SYT12: variants seen among roughly 807,000 people sequenced by gnomAD.
SYT12 encodes the protein synaptotagmin-12.
SYT12 carries 27 observed loss-of-function variants against 39.5 expected under a neutral mutation model. That is an observed-to-expected ratio of 0.68 (90% CI 0.50 to 0.94). The LOEUF (loss-of-function observed/expected upper bound fraction) is 0.94. Among genes scored for constraint, SYT12 ranks in the 40% least tolerant of loss-of-function variants. SYT12 has a pLI of 0.00. For synonymous variants in SYT12, 233 were observed against 239.7 expected (o/e 0.97, Z 0.26); for missense variants, 536 against 572.6 (o/e 0.94, Z 0.65).
intron 6 of SYT12, 126 bp downstream of exon 6, chr11:67,044,839 T>A (rs1392560086): frequency 2.1e-6 from 3 of 1,403,442 alleles, no homozygotes; most frequent in Non-Finnish European, 1.9e-6. Context: ...CCCCTCAGCT[T>A]TGCTGAGCCC....
chr11:67,039,869 G>A lies in SYT12; in HGVS notation c.287G>A (p.Gly96Asp), dbSNP rs199773761. 6.2e-7 allele frequency: 1 copy of A among 1,613,366 alleles called. No individual in the cohort carries two copies. Among genetic ancestry groups the A allele is most frequent in the African/African-American group, 1.3e-5 (1 of 74,934 alleles). ...ASTRGPPSRKGSLSIEDTFES... is the reference protein window; with the variant it reads ...ASTRGPPSRKDSLSIEDTFES... ...ACGCGGGGACCACCCAGCCGCAAAGGCAGTCTCAGCATTGAGGACACCTTT... is the reference window on the plus strand; with the variant it reads ...ACGCGGGGACCACCCAGCCGCAAAGACAGTCTCAGCATTGAGGACACCTTT... Residue 96 changes from glycine (G) to aspartate (D), a missense_variant, in exon 4 of 8, where the codon GGC (glycine) becomes GAC (aspartate). Physicochemically the swap from Gly to Asp is moderately conservative, Grantham distance 94 (BLOSUM62 -1). Transcript: ENST00000527043.
At position 67,008,161 on chromosome 11, in the gene SYT12, C is replaced by G. The variant is rs1048002962; in HGVS notation, c.-485+706C>G. Among the ~76,000 whole-genome samples, 4 of 152,164 alleles carry G rather than the reference C, an allele frequency of 2.6e-5. No individual in the cohort carries two copies. The East Asian group carries it at 7.7e-4, about 29-fold the overall frequency. ...TAGAGACAGGGTTTTGCCATGTTTG[C>G]CAGCCTGGTCTTGAACTCCTGAACT... On this transcript the variant is annotated intron_variant, in intron 1 of 10. Coordinates refer to the SYT12 transcript ENST00000393946.
intron 1 of SYT12, 56 bp from the exon 2 acceptor site, chr11:67,030,066 G>A (rs1389853406): frequency 4.5e-5 from 71 of 1,571,552 alleles, no homozygotes; most frequent in Non-Finnish European, 6.0e-5. Flanking sequence ...CCAGGACCTA[G>A]GAGCGGGACG....
intron 4 of SYT12, among the ~76,000 whole-genome samples, chr11:67,042,644 C>A (rs1005345165): frequency 6.6e-6 from 1 of 152,290 alleles, no homozygotes; most frequent in African/African-American, 2.4e-5. Context: ...AGCCCAGGCC[C>A]CCATGAGCAG....
intron 4 of SYT12, among the ~76,000 whole-genome samples, chr11:67,041,090 C>G (rs913322492): frequency 5.3e-5 from 8 of 151,984 alleles, no homozygotes; most frequent in African/African-American, 1.9e-4. Flanking sequence ...ATGGGAGGAT[C>G]ACTTGAGCCC....
chr11:67,045,996 A>C, intron 7 of SYT12, 119 bp downstream of exon 7: 1 of 1,354,316 alleles, frequency 7.4e-7, no homozygotes, highest in Non-Finnish European at 1.0e-6. Flanking sequence ...TCCAGCCATC[A>C]CTTTCTAGCA....
In SYT12 at chr11:67,045,903, G is replaced by A. The variant is rs763895940; in HGVS notation, c.1092+26G>A. 7 of 1,613,638 alleles carry A rather than the reference G, an allele frequency of 4.3e-6. No individual in the cohort carries two copies. The Admixed American group carries it at 8.3e-5, about 19-fold the overall frequency. On this transcript the variant is annotated intron_variant, in intron 7 of 7. Coordinates refer to ENST00000527043, the MANE Select transcript of SYT12 (RefSeq NM_177963.4). ...GTGAGGGGGGCTGGGGGATGGGAAG[G>A]GGCCAGGTCACCCCAGGGCTCTGGG...
chr11:67,010,074 G>A (rs1041292195), exon 2 of SYT12: 1 of 152,390 alleles, frequency 6.6e-6, no homozygotes, highest in Non-Finnish European at 1.5e-5. Context: ...GAAGCTTAAA[G>A]TGTATGGCCC....
Position 67,048,812 on chromosome 11 carries a change from G to A in SYT12, c.*55G>A. 1 of 1,558,216 alleles carries A rather than the reference G, an allele frequency of 6.4e-7. No individual in the cohort carries two copies. The highest frequency in any genetic ancestry group is 1.1e-5 in the South Asian group (1 of 87,234). On this transcript the variant is annotated 3_prime_UTR_variant, in exon 8 of 8. Coordinates refer to ENST00000527043, the MANE Select transcript of SYT12 (RefSeq NM_177963.4). The stretch of plus-strand genomic sequence containing the variant: ...GCTGCTGGAGCCCGGTACCCACTCA[G>A]CTCTGTCTGATGCCCTCTCCATAGC...
At chr11:67,019,472 C>CA (rs761020239), upstream of SYT12, among the ~76,000 whole-genome samples, 2,121 of 122,720 alleles carry the variant, frequency 0.017, 40 homozygotes, top group African/African-American at 0.05. Flanking sequence ...AACTCCACCT[C>CA]AAAAAAAAAA....
chr11:67,043,524 T>A (rs867825416), intron 4 of SYT12, 114 bp from the exon 5 acceptor site: 3 of 966,932 alleles, frequency 3.1e-6, no homozygotes, highest in Middle Eastern at 3.3e-4. Flanking sequence ...ATTGAGGGTG[T>A]CAAGACAACA....
In SYT12 at chr11:67,013,326, C is replaced by A. The variant is rs562763288; in HGVS notation, c.-69+2332C>A. Among the ~76,000 whole-genome samples, 3 of 152,280 alleles carry A rather than the reference C, an allele frequency of 2.0e-5. No individual in the cohort carries two copies. The East Asian group carries it at 5.8e-4, about 29-fold the overall frequency. Reference sequence around the variant, plus strand: ...TGGCCATGCAAGCTCTTGTGTCTGCCGAGCTGATACCTGCCTCCCTGCAGC... The same window carrying A: ...TGGCCATGCAAGCTCTTGTGTCTGCAGAGCTGATACCTGCCTCCCTGCAGC... On this transcript the variant is annotated intron_variant, in intron 3 of 10. Transcript: ENST00000393946.
At chr11:67,028,140 C>T (rs769720594) in intron 1 of SYT12, 1 of 152,188 alleles carries the variant, frequency 6.6e-6, no homozygotes, top group Non-Finnish European at 1.5e-5. Flanking sequence ...CTCTCACCCG[C>T]AAACCAGAGA....
chr11:67,045,973 G>T, intron 7 of SYT12, 96 bp downstream of exon 7: 2 of 1,507,872 alleles, frequency 1.3e-6, no homozygotes, highest in Non-Finnish European at 9.0e-7. Context: ...CCCTGCAGGG[G>T]TAGTGGTTTG....
chr11:67,030,026 C>T, intron 1 of SYT12, 96 bp from the exon 2 acceptor site: 1 of 1,121,186 alleles, frequency 8.9e-7, no homozygotes. Context: ...AGTGTAAGCT[C>T]TGGATGACAG....
chr11:67,022,778 GT>G (rs1187980417), upstream of SYT12: 1 of 152,276 alleles, frequency 6.6e-6, no homozygotes, highest in Non-Finnish European at 1.5e-5. Context: ...AGATGATGTT[GT>G]AAGGCACCAG....
At chr11:67,030,217 C>T (rs761025996) in intron 2 of SYT12, 39 bp downstream of exon 2, 34 of 1,611,768 alleles carry the variant, frequency 2.1e-5, no homozygotes, top group Non-Finnish European at 2.2e-5. Flanking sequence ...ATCACGCCTG[C>T]GAGACCCTTA....
At chr11:67,044,538 G>A (rs1950573695) in intron 5 of SYT12, 55 bp from the exon 6 acceptor site, 1 of 1,588,650 alleles carries the variant, frequency 6.3e-7, no homozygotes, top group East Asian at 2.3e-5. Flanking sequence ...GGCTTTCCCT[G>A]GACCCCTCAA....
intron 1 of SYT12, chr11:67,027,729 C>T (rs1208657463): frequency 6.6e-6 from 1 of 152,274 alleles, no homozygotes; most frequent in African/African-American, 2.4e-5. Context: ...TCCCGTACCA[C>T]GCCTGTTGTG....
Sources: allele counts gnomAD v4.1 joint callset (sites outside exome capture counted in the v4.1 genomes callset), GRCh38; gene constraint gnomAD v4.1.1; transcripts MANE v1.5; gene names NCBI Gene and HGNC (gene_info 2026-07-23, HGNC 2026-07-21).